Variants in WDR27 observed in about 807,000 individuals in gnomAD.
WDR27 encodes the protein WD repeat-containing protein 27.
Under a neutral mutation model 114.4 loss-of-function variants are expected in WDR27, and 100 were observed. That is an observed-to-expected ratio of 0.87 (90% CI 0.74 to 1.03). WDR27 has a LOEUF of 1.03. Ranked by LOEUF, WDR27 falls within the 50% of genes least tolerant of loss-of-function variation. WDR27 has a pLI of 0.00. For synonymous variants in WDR27, 449 were observed against 423.1 expected, an observed-to-expected ratio of 1.06 and a Z score of -0.75; for missense variants, 1,129 against 1,092.9, an observed-to-expected ratio of 1.03 and a Z score of -0.47.
intron 25 of WDR27, among the ~76,000 whole-genome samples, chr6:169,569,637 C>T (rs1040196816): frequency 3.9e-5 from 6 of 152,022 alleles, no homozygotes; most frequent in African/African-American, 1.4e-4. Context: ...TTTTTCTCAA[C>T]TAAGAAGTCA....
intron 25 of WDR27, among the ~76,000 whole-genome samples, chr6:169,570,029 A>G (rs1323777359): frequency 6.6e-6 from 1 of 152,198 alleles, no homozygotes; most frequent in Non-Finnish European, 1.5e-5. Context: ...GCTGCTAGGA[A>G]GAACCCTGAT....
At chr6:169,616,983 C>G (rs921454821) in intron 21 of WDR27, among the ~76,000 whole-genome samples, 3 of 152,102 alleles carry the variant, frequency 2.0e-5, no homozygotes, top group Non-Finnish European at 4.4e-5. Flanking sequence ...GCAATTTCAG[C>G]ATGAAAAATC....
At chr6:169,693,510 C>G (rs550723719) in intron 1 of WDR27, among the ~76,000 whole-genome samples, 52 of 152,254 alleles carry the variant, frequency 3.4e-4, no homozygotes, top group African/African-American at 1.1e-3. Flanking sequence ...TGTAAATGGT[C>G]TAAGTGCTCC....
rs16888060 is a variant in WDR27, at chr6:169,490,635, A to G, written c.2646-33001T>C. Among the ~76,000 whole-genome samples the G allele has an allele frequency of 6.2e-3, 944 of 152,368 alleles. 14 individuals are homozygous for G. The highest frequency in any genetic ancestry group is 0.022 in the African/African-American group (910 of 41,592). ...CTACTCTCTCAATATCTGTTCTATC[A>G]GCACAAGAGAAATGAACAATTCACA... On this transcript the variant is annotated intron_variant, in intron 25 of 25. Transcript: ENST00000448612.
In WDR27 at chr6:169,463,601, T is replaced by A. The variant is rs76891243; in HGVS notation, c.2646-5967A>T. Among the ~76,000 whole-genome samples the A allele has an allele frequency of 4.0e-3, 612 of 152,282 alleles. 3 individuals are homozygous for A. Among genetic ancestry groups the A allele is most frequent in the Non-Finnish European group, 6.6e-3 (447 of 68,016 alleles). Reference sequence around the variant, plus strand: ...CAAATTGAAAAGGAAATAAAATTATTTCTGTTCACAGATTATATGATCTTA... The same window carrying A: ...CAAATTGAAAAGGAAATAAAATTATATCTGTTCACAGATTATATGATCTTA... On this transcript the variant is annotated intron_variant, in intron 25 of 25. Coordinates refer to ENST00000448612, the MANE Select transcript of WDR27 (RefSeq NM_182552.5).
chr6:169,602,894 T>G lies in WDR27; in HGVS notation c.2322-573A>C, dbSNP rs1437820140. The stretch of plus-strand genomic sequence containing the variant: ...ACTCTGTCTGTCACCCAGGCTGGAG[T>G]GCAGTGGCATGATCTAGGCTCACTG... On this transcript the variant is annotated intron_variant, in intron 22 of 25. Transcript: ENST00000448612. 5.3e-5 allele frequency among the ~76,000 whole-genome samples: 8 copies of G among 151,824 alleles called. No homozygotes were observed. The East Asian group carries it at 1.4e-3, about 26-fold the overall frequency.
intron 25 of WDR27, among the ~76,000 whole-genome samples, chr6:169,538,329 GTACTCTTATGTCA>G (rs1175751734): frequency 6.6e-6 from 1 of 152,030 alleles, no homozygotes; most frequent in East Asian, 1.9e-4. Context: ...TCAACAGCCT[GTACTCTTATGTCA>G]TTTAATCTGA....
chr6:169,694,408 A>G (rs564632361), intron 1 of WDR27, among the ~76,000 whole-genome samples: 4 of 152,338 alleles, frequency 2.6e-5, no homozygotes, highest in African/African-American at 9.6e-5. Flanking sequence ...AAACTTAACT[A>G]TCTGGCAATC....
chr6:169,573,573 C>T (rs960688454), intron 24 of WDR27, among the ~76,000 whole-genome samples: 3 of 152,072 alleles, frequency 2.0e-5, no homozygotes, highest in African/African-American at 7.2e-5. Context: ...GGAACCAATC[C>T]CCCATGTAGA....
intron 25 of WDR27, among the ~76,000 whole-genome samples, chr6:169,557,946 AT>A (rs1799151948): frequency 1.3e-5 from 2 of 152,064 alleles, no homozygotes; most frequent in South Asian, 2.1e-4. Context: ...AAATGGGATA[AT>A]TTTTTATAGC....
Position 169,700,545 on chromosome 6 carries a change from C to T in WDR27, c.-8+1006G>A, listed in dbSNP as rs140076165. 2.7e-3 allele frequency among the ~76,000 whole-genome samples: 405 copies of T among 152,318 alleles called. 2 individuals carry two copies. In the Middle Eastern group the frequency reaches 0.031, roughly 12 times the overall value. ...CTGCACTGCCTCTCTTCTTTCCCCA[C>T]CCACTGGCTAAATGCGGAGAATTCA... is the stretch of plus-strand genomic sequence containing the variant. On this transcript the variant is annotated intron_variant, in intron 1 of 25. Coordinates refer to ENST00000448612, the MANE Select transcript of WDR27 (RefSeq NM_182552.5).
intron 25 of WDR27, among the ~76,000 whole-genome samples, chr6:169,562,419 A>G (rs961315515): frequency 6.6e-6 from 1 of 152,248 alleles, no homozygotes; most frequent in East Asian, 1.9e-4. Context: ...ACAAAAATCA[A>G]AAGAGAATTT....
At chr6:169,635,439 A>AG (rs1416793493) in intron 19 of WDR27, among the ~76,000 whole-genome samples, 1 of 152,176 alleles carries the variant, frequency 6.6e-6, no homozygotes, top group Non-Finnish European at 1.5e-5. Context: ...AGGCTGAGGG[A>AG]GGGGCCGCAG....
intron 25 of WDR27, among the ~76,000 whole-genome samples, chr6:169,527,148 C>A (rs973356856): frequency 2.6e-5 from 4 of 151,966 alleles, no homozygotes; most frequent in African/African-American, 7.2e-5. Flanking sequence ...CCTACATATA[C>A]ACAAATAATT....
chr6:169,576,905 G>A (rs971529666), intron 24 of WDR27, among the ~76,000 whole-genome samples: 2 of 152,084 alleles, frequency 1.3e-5, no homozygotes, highest in Non-Finnish European at 2.9e-5. Context: ...AACGAAGAAA[G>A]AAAGATGGTA....
At chr6:169,560,683 C>T (rs930132799) in intron 25 of WDR27, among the ~76,000 whole-genome samples, 4 of 152,220 alleles carry the variant, frequency 2.6e-5, no homozygotes, top group Non-Finnish European at 4.4e-5. Flanking sequence ...CCAGTACATA[C>T]AATCATTATC....
At chr6:169,656,162 T>C (rs1824131303) in intron 13 of WDR27, among the ~76,000 whole-genome samples, 1 of 151,312 alleles carries the variant, frequency 6.6e-6, no homozygotes, top group African/African-American at 2.4e-5. Flanking sequence ...TGTTGATTGG[T>C]TTGTGACTAT....
intron 2 of WDR27, among the ~76,000 whole-genome samples, chr6:169,680,860 T>C (rs1175924134): frequency 3.9e-5 from 6 of 152,158 alleles, no homozygotes; most frequent in African/African-American, 1.4e-4. Context: ...CAACAGGACA[T>C]AAAATATACT....
At chr6:169,527,043 G>A (rs555915100) in intron 25 of WDR27, among the ~76,000 whole-genome samples, 5 of 152,352 alleles carry the variant, frequency 3.3e-5, no homozygotes, top group African/African-American at 1.2e-4. Flanking sequence ...TACACGGCTA[G>A]TGGGAATGTA....
Sources: allele counts gnomAD v4.1 joint callset (sites outside exome capture counted in the v4.1 genomes callset), GRCh38; gene constraint gnomAD v4.1.1; transcripts MANE v1.5; gene names NCBI Gene and HGNC (gene_info 2026-07-23, HGNC 2026-07-21).